The following AAK1 variants were observed in gnomAD, a reference collection of about 807,000 sequenced individuals.
AAK1 encodes the protein AP2-associated protein kinase 1.
In AAK1, 37 loss-of-function variants were observed where a neutral mutation model predicts 116.0. That is an observed-to-expected ratio of 0.32 (90% CI 0.25 to 0.42). AAK1 has a LOEUF of 0.42. Among genes scored for constraint, AAK1 ranks in the 10% least tolerant of loss-of-function variants. The pLI, the probability that AAK1 is intolerant of heterozygous loss-of-function variation, is 1.00. For synonymous variants in AAK1, 458 were observed against 439.9 expected, an observed-to-expected ratio of 1.04 and a Z score of -0.51; for missense variants, 919 against 1,170.6, an observed-to-expected ratio of 0.79 and a Z score of 3.14.
intron 2 of AAK1, among the ~76,000 whole-genome samples, chr2:69,568,495 A>G (rs567392010): frequency 9.7e-4 from 144 of 148,936 alleles, no homozygotes; most frequent in Non-Finnish European, 1.8e-3. Context: ...CAGTGGTGCA[A>G]TCATGGCTCA....
intron 2 of AAK1, among the ~76,000 whole-genome samples, chr2:69,587,811 T>C (rs1672856117): frequency 6.6e-6 from 1 of 152,046 alleles, no homozygotes; most frequent in Admixed American, 6.6e-5. Context: ...AGAGTTTTAC[T>C]ATGTTGCTCA....
At chr2:69,591,083 A>C (rs972525462) in intron 2 of AAK1, among the ~76,000 whole-genome samples, 1 of 152,222 alleles carries the variant, frequency 6.6e-6, no homozygotes, top group African/African-American at 2.4e-5. Context: ...TATTGTATGG[A>C]GCATTTATTT....
chr2:69,602,743 C>A (rs1673633241), intron 2 of AAK1, among the ~76,000 whole-genome samples: 1 of 152,092 alleles, frequency 6.6e-6, no homozygotes, highest in Non-Finnish European at 1.5e-5. Flanking sequence ...GCAAAGACTT[C>A]AGAGCTGTGC....
chr2:69,547,102 T>A (rs1169985613), intron 3 of AAK1, among the ~76,000 whole-genome samples: 2 of 152,300 alleles, frequency 1.3e-5, no homozygotes, highest in East Asian at 1.9e-4. Flanking sequence ...ATTATTTGGA[T>A]CCCTACCTCA....
intron 2 of AAK1, among the ~76,000 whole-genome samples, chr2:69,606,748 C>G (rs149017254): frequency 8.5e-4 from 130 of 152,120 alleles, no homozygotes; most frequent in African/African-American, 3.0e-3. Flanking sequence ...GGAGACAGGC[C>G]ATAAAATAAA....
Position 69,466,510 on chromosome 2 carries a change from CTACAG to C in AAK1, c.*9354_*9358del. On this transcript the variant is annotated 3_prime_UTR_variant, in exon 22 of 22. Transcript: ENST00000409085. Reference sequence around the variant, plus strand: ...ACACCCAGTGATTCTTTAAAGTGCTCTACAGTTATTACAGGACAGGGATTGGACTC... The same window carrying C: ...ACACCCAGTGATTCTTTAAAGTGCTCTTATTACAGGACAGGGATTGGACTC... 8.1e-7 allele frequency: 1 copy of C among 1,234,390 alleles called. No homozygotes were observed. The highest frequency in any genetic ancestry group is 1.0e-6 in the Non-Finnish European group (1 of 959,852). 76.5% of individuals were successfully genotyped at this position (1,234,390 alleles called of 1,614,324 possible). A position where few individuals can be genotyped will look rare whatever the true frequency, so the allele number is the denominator to read the frequency against.
At chr2:69,514,839 TA>T (rs1389075869) in intron 12 of AAK1, 90 bp from the exon 13 acceptor site, 1 of 1,410,386 alleles carries the variant, frequency 7.1e-7, no homozygotes, top group African/African-American at 1.4e-5. Flanking sequence ...AGACCAGTGC[TA>T]AAGCCAAAGG....
chr2:69,561,146 A>G (rs1010746603), intron 2 of AAK1, among the ~76,000 whole-genome samples: 1 of 152,202 alleles, frequency 6.6e-6, no homozygotes, highest in Non-Finnish European at 1.5e-5. Flanking sequence ...CAAAGAAAAC[A>G]CATCTGAAAA....
chr2:69,599,379 TA>T (rs34685588), intron 2 of AAK1, among the ~76,000 whole-genome samples: 160 of 103,566 alleles, frequency 1.5e-3, no homozygotes, highest in African/African-American at 2.2e-3. Context: ...TAGTTCTGTG[TA>T]AAAAAAAAAA....
intron 2 of AAK1, among the ~76,000 whole-genome samples, chr2:69,559,262 T>TCACACACACA (rs375580392): frequency 1.6e-4 from 20 of 127,178 alleles, no homozygotes; most frequent in South Asian, 2.6e-4. Context: ...TCTCTCTCTC[T>TCACACACACA]CACACACACA....
At chr2:69,503,812 C>T (rs1156969469) in intron 16 of AAK1, among the ~76,000 whole-genome samples, 3 of 152,104 alleles carry the variant, frequency 2.0e-5, no homozygotes, top group African/African-American at 7.2e-5. Flanking sequence ...TAAGCCACCG[C>T]ACCTGTAATA....
At chr2:69,599,835 T>C (rs1030688851) in intron 2 of AAK1, among the ~76,000 whole-genome samples, 6 of 152,218 alleles carry the variant, frequency 3.9e-5, no homozygotes, top group Non-Finnish European at 7.4e-5. Flanking sequence ...TGGAGTGCAG[T>C]GGTATGATCA....
intron 2 of AAK1, among the ~76,000 whole-genome samples, chr2:69,560,524 C>A (rs1258613390): frequency 6.6e-6 from 1 of 152,188 alleles, no homozygotes; most frequent in Non-Finnish European, 1.5e-5. Context: ...CTCAGATAAT[C>A]TCATCTGTGA....
intron 17 of AAK1, among the ~76,000 whole-genome samples, chr2:69,490,651 G>A (rs1465327515): frequency 6.6e-6 from 1 of 151,798 alleles, no homozygotes. Flanking sequence ...GTTGCCAGGG[G>A]CTGGGGGGAG....
intron 2 of AAK1, among the ~76,000 whole-genome samples, chr2:69,576,930 C>A (rs563065080): frequency 2.0e-4 from 30 of 152,336 alleles, no homozygotes; most frequent in African/African-American, 7.0e-4. Context: ...TCATTCTCCA[C>A]GGCATTAAGA....
chr2:69,548,316 G>C (rs1157865257), intron 3 of AAK1, among the ~76,000 whole-genome samples: 1 of 114,512 alleles, frequency 8.7e-6, no homozygotes, highest in East Asian at 3.8e-4. Context: ...CACAGGAGGA[G>C]AAAAGCATAA....
At chr2:69,600,397 A>G (rs1673522971) in intron 2 of AAK1, among the ~76,000 whole-genome samples, 1 of 152,124 alleles carries the variant, frequency 6.6e-6, no homozygotes, top group Non-Finnish European at 1.5e-5. Context: ...TACCAACATT[A>G]ATAGGAGTTT....
intron 2 of AAK1, among the ~76,000 whole-genome samples, chr2:69,615,559 C>G (rs1322382186): frequency 6.6e-6 from 1 of 152,194 alleles, no homozygotes; most frequent in Non-Finnish European, 1.5e-5. Flanking sequence ...GTCTTGCTTT[C>G]TCTCATTTAT....
chr2:69,478,466 T>G (rs78881329), intron 20 of AAK1: 5,929 of 152,558 alleles, frequency 0.039, 340 homozygotes, highest in East Asian at 0.19. Context: ...TTTTTTTTGT[T>G]TTTTTAGACA....
Sources: allele counts gnomAD v4.1 joint callset (sites outside exome capture counted in the v4.1 genomes callset), GRCh38; gene constraint gnomAD v4.1.1; transcripts MANE v1.5; gene names NCBI Gene and HGNC (gene_info 2026-07-23, HGNC 2026-07-21).